The following CDH2 variants were observed in gnomAD, a reference collection of about 807,000 sequenced individuals.
CDH2 encodes cadherin 2.
In CDH2, 17 loss-of-function variants were observed where a neutral mutation model predicts 92.0. That is an observed-to-expected ratio of 0.18 (90% confidence interval 0.13 to 0.28). The LOEUF is 0.28. Among genes scored for constraint, CDH2 ranks in the 10% least tolerant of loss-of-function variants. The pLI, the probability that CDH2 is intolerant of heterozygous loss-of-function variation, is 1.00. For synonymous variants in CDH2, 419 were observed against 415.9 expected (o/e 1.01, Z -0.09); for missense variants, 862 against 1,133.1 (o/e 0.76, Z 3.44).
At chr18:28,167,720 T>C (rs148310435) in intron 1 of CDH2, among the ~76,000 whole-genome samples, 5 of 152,144 alleles carry the variant, frequency 3.3e-5, no homozygotes, top group African/African-American at 4.8e-5. Flanking sequence ...CTTCTATGTA[T>C]ATTTTCCTGT....
At position 28,172,076 on chromosome 18, in the gene CDH2, G is replaced by GGTGTGTGT. The variant is rs34158369; in HGVS notation, c.60+4879_60+4886dup. Among the ~76,000 whole-genome samples the GGTGTGTGT allele has an allele frequency of 3.1e-4, 45 of 146,572 alleles. No individual in the cohort carries two copies. In the East Asian group the frequency reaches 4.8e-3, roughly 16 times the overall value. On this transcript the variant is annotated intron_variant, in intron 1 of 15. Coordinates refer to ENST00000269141, the MANE Select transcript of CDH2 (RefSeq NM_001792.5). ...ATAGCAGTCCTCAACATACATTTGGGGTGTGTGTGTGTGTGTGTGTGTGTG... is the reference window on the plus strand; with the variant it reads ...ATAGCAGTCCTCAACATACATTTGGGGTGTGTGTGTGTGTGTGTGTGTGTGTGTGTGTG...
chr18:28,171,116 G>T (rs1331283894), intron 1 of CDH2, among the ~76,000 whole-genome samples: 1 of 151,804 alleles, frequency 6.6e-6, no homozygotes, highest in East Asian at 1.9e-4. Flanking sequence ...CGTAATCCCA[G>T]CTACACAGGA....
chr18:27,948,042 TAA>T (rs1211817329), downstream of CDH2, among the ~76,000 whole-genome samples: 2 of 149,108 alleles, frequency 1.3e-5, no homozygotes, highest in African/African-American at 4.9e-5. Flanking sequence ...AACTTTGATA[TAA>T]GTGTGTATAC....
chr18:28,145,573 G>A (rs1453277178), intron 2 of CDH2, among the ~76,000 whole-genome samples: 1 of 151,998 alleles, frequency 6.6e-6, no homozygotes, highest in Non-Finnish European at 1.5e-5. Flanking sequence ...CCAAAAAGAT[G>A]TAAAAGGTAA....
rs1199769261 is a variant in CDH2, at chr18:28,176,944, C to T, written c.60+19G>A. ...GCCCCACCCCGCCCGTGGCCCGGCCCGCGGGGACCGCCGCGTACCTGAAGC... is the reference window on the plus strand; with the variant it reads ...GCCCCACCCCGCCCGTGGCCCGGCCTGCGGGGACCGCCGCGTACCTGAAGC... On this transcript the variant is annotated intron_variant, in intron 1 of 15. Coordinates refer to ENST00000269141, the MANE Select transcript of CDH2 (RefSeq NM_001792.5). The T allele has an allele frequency of 3.9e-6, 5 of 1,297,350 alleles. No homozygotes were observed. Among genetic ancestry groups the T allele is most frequent in the Non-Finnish European group, 4.9e-6 (5 of 1,022,832 alleles). 80.4% of individuals were successfully genotyped at this position (1,297,350 alleles called of 1,614,324 possible).
At chr18:28,048,657 A>C (rs1323359168) in intron 2 of CDH2, among the ~76,000 whole-genome samples, 1 of 152,206 alleles carries the variant, frequency 6.6e-6, no homozygotes, top group Non-Finnish European at 1.5e-5. Flanking sequence ...TTTTCAATAA[A>C]TCTGAAGCAC....
chr18:28,080,285 C>T (rs2014804388), intron 2 of CDH2, among the ~76,000 whole-genome samples: 1 of 152,152 alleles, frequency 6.6e-6, no homozygotes, highest in Non-Finnish European at 1.5e-5. Flanking sequence ...ACGAATAACA[C>T]CAGAATTCAG....
At chr18:28,143,811 C>G (rs2015992193) in intron 2 of CDH2, among the ~76,000 whole-genome samples, 1 of 151,950 alleles carries the variant, frequency 6.6e-6, no homozygotes, top group Non-Finnish European at 1.5e-5. Flanking sequence ...AAATACTATG[C>G]AGCCATAAAA....
chr18:27,957,790 A>T (rs1187251949), intron 15 of CDH2, among the ~76,000 whole-genome samples: 1 of 152,244 alleles, frequency 6.6e-6, no homozygotes, highest in Non-Finnish European at 1.5e-5. Flanking sequence ...ATGTGGATAT[A>T]AAAGTACACC....
chr18:28,116,313 A>C lies in CDH2; in HGVS notation c.172+31360T>G, dbSNP rs377203551. ...CACTAGGCAAGATAGTTTAATAATC[A>C]AACAGTTTCTGGGCTTTGAAGCCCA... On this transcript the variant is annotated intron_variant, in intron 2 of 15. Coordinates refer to ENST00000269141, the MANE Select transcript of CDH2 (RefSeq NM_001792.5). Among the ~76,000 whole-genome samples, 7 of 152,334 alleles carry C rather than the reference A, an allele frequency of 4.6e-5. No individual in the cohort carries two copies. The East Asian group carries it at 7.7e-4, about 17-fold the overall frequency.
intron 14 of CDH2, among the ~76,000 whole-genome samples, chr18:27,970,027 A>G (rs1284234395): frequency 6.6e-6 from 1 of 150,966 alleles, no homozygotes; most frequent in Non-Finnish European, 1.5e-5. Flanking sequence ...AAAAATTAAA[A>G]TAATGAAAAT....
At chr18:27,994,956 A>G (rs1283520379) in intron 7 of CDH2, among the ~76,000 whole-genome samples, 3 of 152,218 alleles carry the variant, frequency 2.0e-5, no homozygotes, top group Non-Finnish European at 4.4e-5. Flanking sequence ...ACACGCAGTA[A>G]GAAATAATGT....
chr18:27,955,688 C>T (rs2011227366), intron 15 of CDH2, among the ~76,000 whole-genome samples: 1 of 147,938 alleles, frequency 6.8e-6, no homozygotes, highest in African/African-American at 2.5e-5. Flanking sequence ...ATATTATTTT[C>T]TTTATTTTTT....
intron 2 of CDH2, among the ~76,000 whole-genome samples, chr18:28,091,840 G>A (rs2015043163): frequency 6.6e-6 from 1 of 151,964 alleles, no homozygotes; most frequent in Non-Finnish European, 1.5e-5. Flanking sequence ...CCATTAGTTT[G>A]CTAGGGCTGC....
chr18:28,166,095 G>T (rs2016374107), intron 1 of CDH2, among the ~76,000 whole-genome samples: 1 of 134,260 alleles, frequency 7.4e-6, no homozygotes, highest in African/African-American at 2.8e-5. Context: ...GAGGTGGACA[G>T]GTCTCAATTT....
chr18:28,151,824 CTAAG>C (rs1425116388), intron 1 of CDH2, among the ~76,000 whole-genome samples: 1 of 152,146 alleles, frequency 6.6e-6, no homozygotes, highest in African/African-American at 2.4e-5. Context: ...AAAGGGTAAA[CTAAG>C]TATTTCAGGC....
At chr18:27,988,441 T>C in intron 11 of CDH2, 83 bp downstream of exon 11, 1 of 1,231,978 alleles carries the variant, frequency 8.1e-7, no homozygotes, top group East Asian at 2.4e-5. Flanking sequence ...CAATTGAGTT[T>C]TGTAGAAAAC....
intron 14 of CDH2, among the ~76,000 whole-genome samples, chr18:27,968,372 C>T (rs542252048): frequency 5.3e-5 from 8 of 152,014 alleles, no homozygotes; most frequent in African/African-American, 1.4e-4. Context: ...AAGAAATGCA[C>T]GAAAGAGTTT....
At chr18:28,085,582 T>A (rs2014911473) in intron 2 of CDH2, among the ~76,000 whole-genome samples, 1 of 152,168 alleles carries the variant, frequency 6.6e-6, no homozygotes, top group African/African-American at 2.4e-5. Context: ...CTGCTACATC[T>A]GCACCTTCTA....
Sources: gnomAD v4.1 joint callset for allele counts (sites outside exome capture counted in the v4.1 genomes callset) on GRCh38, gnomAD v4.1.1 for gene constraint, MANE v1.5 for transcripts, NCBI Gene and HGNC (gene_info 2026-07-23, HGNC 2026-07-21) for gene names.